Variants in DET1 observed in about 807,000 individuals in gnomAD.
DET1 encodes the protein DET1 partner of COP1 E3 ubiquitin ligase, also known as DET1 homolog.
In DET1, 22 loss-of-function variants were observed where a neutral mutation model predicts 43.7. The observed-to-expected ratio is 0.50, with a 90% CI of 0.36 to 0.72. DET1 has a LOEUF of 0.72. Among genes scored for constraint, DET1 ranks in the 30% least tolerant of loss-of-function variants. The probability of loss-of-function intolerance (pLI) is 0.00; values close to 1 mark genes in which losing one functional copy is unlikely to be tolerated. For missense variants in DET1, 713 were observed against 713.3 expected, an observed-to-expected ratio of 1.00 and a Z score of 0.00; for synonymous variants, 315 against 266.2, an observed-to-expected ratio of 1.18 and a Z score of -1.79.
chr15:88,503,059 T>C (rs2056104203), intron 8 of DET1: 1 of 152,030 alleles, frequency 6.6e-6, no homozygotes, highest in African/African-American at 2.4e-5. Flanking sequence ...AGGCTAGGAG[T>C]TGGAGACCAG....
intron 1 of DET1, among the ~76,000 whole-genome samples, chr15:88,534,303 T>TTC (rs2142318604): frequency 6.6e-6 from 1 of 152,288 alleles, no homozygotes; most frequent in Admixed American, 6.5e-5. Flanking sequence ...AAACACCACC[T>TTC]TCTCTCTCCC....
intron 3 of DET1, among the ~76,000 whole-genome samples, chr15:88,521,508 T>G (rs1296385701): frequency 6.6e-6 from 1 of 152,242 alleles, no homozygotes; most frequent in African/African-American, 2.4e-5. Flanking sequence ...AGACTCTCTT[T>G]GCCTCTCTCC....
intron 3 of DET1, among the ~76,000 whole-genome samples, chr15:88,523,675 G>A (rs888339797): frequency 8.5e-5 from 13 of 152,220 alleles, no homozygotes; most frequent in South Asian, 4.1e-4. Context: ...TCCTGACCGC[G>A]AGTGATCTGC....
At chr15:88,539,706 G>A (rs2057052988) in intron 1 of DET1, among the ~76,000 whole-genome samples, 3 of 152,048 alleles carry the variant, frequency 2.0e-5, no homozygotes, top group Admixed American at 2.0e-4. Flanking sequence ...CCACAGTCCT[G>A]TCTTTTCTGC....
Position 88,527,646 on chromosome 15 carries a change from A to C in DET1, c.1224T>G (p.Phe408Leu). The change falls in exon 3 of 5, where the codon TTT (phenylalanine) becomes TTG (leucine). Residue 408 changes from phenylalanine to leucine, a missense_variant. Physicochemically the swap from Phe to Leu is conservative, Grantham distance 22. Coordinates refer to ENST00000268148, the MANE Select transcript of DET1 (RefSeq NM_001144074.3). The stretch of plus-strand genomic sequence containing the variant: ...AATTGTTGCTAGAAGCTGAGCAGGG[A>C]AACTGAACTTCACTGTGCAGGGTAG... ...RNATLHSEVQ[F>L]PCSASSNNFA... 6.2e-7 allele frequency: 1 copy of C among 1,612,350 alleles called. No homozygotes were observed. Among genetic ancestry groups the C allele is most frequent in the South Asian group, 1.1e-5 (1 of 90,800 alleles).
Position 88,527,501 on chromosome 15 carries a change from T to G in DET1, c.1271+98A>C, listed in dbSNP as rs114078116. On this transcript the variant is annotated intron_variant, in intron 3 of 4. Coordinates refer to ENST00000268148, the MANE Select transcript of DET1 (RefSeq NM_001144074.3). ...AATAAGCAGAATAACCAAAGCTATG[T>G]GGACAGACAGAATAAGAGGTTTCCT... The G allele has an allele frequency of 1.1e-3, 1,292 of 1,146,244 alleles. 15 individuals are homozygous for G. The African/African-American group carries it at 0.019, about 17-fold the overall frequency. The allele number at this position is 1,146,244 out of a possible 1,614,324, so 71.0% of individuals were successfully genotyped here.
chr15:88,529,517 C>T (rs1001760876), intron 2 of DET1, among the ~76,000 whole-genome samples: 1 of 152,152 alleles, frequency 6.6e-6, no homozygotes, highest in Non-Finnish European at 1.5e-5. Context: ...ATATTACTCC[C>T]CTACTTCTTT....
intron 1 of DET1, among the ~76,000 whole-genome samples, chr15:88,534,066 C>T (rs1019960475): frequency 6.6e-6 from 1 of 152,010 alleles, no homozygotes. Context: ...CTTAATACTA[C>T]TGAACTGTAC....
intron 7 of DET1, among the ~76,000 whole-genome samples, chr15:88,507,304 T>C (rs530104951): frequency 4.6e-5 from 7 of 152,336 alleles, no homozygotes; most frequent in African/African-American, 1.4e-4. Flanking sequence ...GGATATCTAA[T>C]AGGCATTTCA....
chr15:88,536,174 T>C, intron 1 of DET1: 2 of 616,590 alleles, frequency 3.2e-6, no homozygotes, highest in Non-Finnish European at 5.9e-6. Context: ...TCTGCCTCTG[T>C]TTCATCATTC....
At chr15:88,532,916 C>T (rs1478712371) in intron 1 of DET1, among the ~76,000 whole-genome samples, 4 of 152,080 alleles carry the variant, frequency 2.6e-5, no homozygotes, top group South Asian at 2.1e-4. Context: ...AAGGCATAGG[C>T]GACCAAGACA....
chr15:88,517,884 G>A (rs1332990483), intron 3 of DET1, among the ~76,000 whole-genome samples: 1 of 152,040 alleles, frequency 6.6e-6, no homozygotes. Flanking sequence ...ACTTATCTTT[G>A]AAAATAATAA....
chr15:88,521,093 C>A lies in DET1; in HGVS notation c.1272-4120G>T, dbSNP rs1162557562. 2.0e-5 allele frequency among the ~76,000 whole-genome samples: 3 copies of A among 152,230 alleles called. No homozygotes were observed. In the East Asian group the frequency reaches 5.8e-4, roughly 29 times the overall value. On this transcript the variant is annotated intron_variant, in intron 3 of 4. Transcript: ENST00000268148. ...CCTTATGTATCTGCCTACCTCCCCA[C>A]CCCAAATCAGGTCTCTGACCCTATT...
downstream of DET1, among the ~76,000 whole-genome samples, chr15:88,512,055 G>A (rs2056209305): frequency 6.6e-6 from 1 of 152,234 alleles, no homozygotes; most frequent in South Asian, 2.1e-4. Context: ...TTGCGGGATG[G>A]CTGTGATGGC....
chr15:88,515,002 A>G (rs1243668058), intron 4 of DET1, among the ~76,000 whole-genome samples: 1 of 152,190 alleles, frequency 6.6e-6, no homozygotes, highest in Non-Finnish European at 1.5e-5. Context: ...TGTATAAAAA[A>G]CACATAGCCT....
chr15:88,531,545 T>A lies in DET1; in HGVS notation c.161A>T (p.Asn54Ile). 2 of 1,614,002 alleles carry A rather than the reference T, an allele frequency of 1.2e-6. No homozygotes were observed. The highest frequency in any genetic ancestry group is 2.2e-5 in the East Asian group (1 of 44,884). ...QNVFPNFTVV[N>I]VEKPPCFLRK... ...CAAGAAACAAGGAGGCTTTTCAACGTTGACAACTGTGAAGTTGGGGAAGAC... is the reference window on the plus strand; with the variant it reads ...CAAGAAACAAGGAGGCTTTTCAACGATGACAACTGTGAAGTTGGGGAAGAC... The change falls in exon 2 of 5, where the codon AAC becomes ATC. Residue 54 changes from asparagine (N) to isoleucine (I), a missense_variant. Coordinates refer to ENST00000268148, the MANE Select transcript of DET1 (RefSeq NM_001144074.3). This position sits in a 1 kb window ranked among gnomAD's most constrained non-coding sequence, Gnocchi z 6.2.
intron 1 of DET1, among the ~76,000 whole-genome samples, chr15:88,536,013 C>A (rs2056939668): frequency 6.6e-6 from 1 of 152,088 alleles, no homozygotes; most frequent in African/African-American, 2.4e-5. Context: ...ATGGAAAAAA[C>A]TAAAAGATAT....
At chr15:88,537,567 G>A (rs141438268) in intron 1 of DET1, among the ~76,000 whole-genome samples, 46 of 152,286 alleles carry the variant, frequency 3.0e-4, no homozygotes, top group African/African-American at 1.1e-3. Context: ...TTTACATATT[G>A]CTTTTGCCCT....
rs2056237017 is a variant in DET1 at position 88,513,084 on chromosome 15, C to T, written c.1520G>A (p.Gly507Asp). 1 of 1,613,846 alleles carries T rather than the reference C, an allele frequency of 6.2e-7. No individual in the cohort carries two copies. The highest frequency in any genetic ancestry group is 1.3e-5 in the African/African-American group (1 of 74,948). The change falls in exon 5 of 5, where the codon GGC becomes GAC. Residue 507 changes from glycine to aspartate, a missense_variant. Transcript: ENST00000268148. The part of the protein sequence containing the change: ...LKFEIQAGLL[G>D]RPINHTVRRL... Reference sequence around the variant, plus strand: ...TCGCACTGTGTGGTTGATGGGGCGGCCCAATAACCCCGCCTGGATCTCAAA... The same window carrying T: ...TCGCACTGTGTGGTTGATGGGGCGGTCCAATAACCCCGCCTGGATCTCAAA...
Sources: gnomAD v4.1 joint callset for allele counts (sites outside exome capture counted in the v4.1 genomes callset) on GRCh38, gnomAD v4.1.1 for gene constraint, Gnocchi (gnomAD v3.1) non-coding constraint, MANE v1.5 for transcripts, NCBI Gene and HGNC (gene_info 2026-07-23, HGNC 2026-07-21) for gene names.